Variants in KCNJ6 observed in about 807,000 individuals in gnomAD.
KCNJ6 encodes G protein-activated inward rectifier potassium channel 2.
KCNJ6 carries 9 observed loss-of-function variants against 34.2 expected under a neutral mutation model. The ratio of observed to expected loss-of-function variants is 0.26; its 90% CI spans 0.16 to 0.46. The LOEUF (loss-of-function observed/expected upper bound fraction) is 0.46. Among genes scored for constraint, KCNJ6 ranks in the 20% least tolerant of loss-of-function variants. The probability of loss-of-function intolerance (pLI) is 1.00; values close to 1 mark genes in which losing one functional copy is unlikely to be tolerated. For missense variants in KCNJ6, 236 were observed against 531.3 expected, an observed-to-expected ratio of 0.44 and a Z score of 5.46; for synonymous variants, 196 against 207.1, an observed-to-expected ratio of 0.95 and a Z score of 0.46.
At chr21:37,657,813 T>C (rs1315826839) in intron 3 of KCNJ6, among the ~76,000 whole-genome samples, 1 of 152,254 alleles carries the variant, frequency 6.6e-6, no homozygotes, top group Non-Finnish European at 1.5e-5. Context: ...CCCTCTGGTT[T>C]AGAAAAGTCC....
intron 3 of KCNJ6, among the ~76,000 whole-genome samples, chr21:37,683,285 G>A (rs1709805): frequency 0.88 from 134,401 of 152,190 alleles, 60,092 homozygotes; most frequent in Non-Finnish European, 0.95. Flanking sequence ...GGCTTCCCCC[G>A]TGACAGAAAT....
chr21:37,678,520 TC>T (rs1173529416), intron 3 of KCNJ6, among the ~76,000 whole-genome samples: 9 of 152,132 alleles, frequency 5.9e-5, no homozygotes, highest in Non-Finnish European at 2.9e-5. Flanking sequence ...CCAGAAAGCC[TC>T]CATGATAGGC....
At chr21:37,725,937 C>A (rs2054852165) in intron 2 of KCNJ6, among the ~76,000 whole-genome samples, 1 of 152,208 alleles carries the variant, frequency 6.6e-6, no homozygotes, top group African/African-American at 2.4e-5. Flanking sequence ...TGGAGTTTCA[C>A]TCTTGTCACC....
chr21:37,744,876 C>T (rs1042125119), intron 2 of KCNJ6, among the ~76,000 whole-genome samples: 3 of 152,030 alleles, frequency 2.0e-5, no homozygotes, highest in Admixed American at 1.3e-4. Flanking sequence ...ATGGCCCCAA[C>T]GAGGCCCACA....
At chr21:37,822,175 G>A (rs1394515082) in intron 2 of KCNJ6, among the ~76,000 whole-genome samples, 2 of 152,228 alleles carry the variant, frequency 1.3e-5, no homozygotes, top group Non-Finnish European at 2.9e-5. Context: ...CAATCTGGCT[G>A]CACGTGGAGG....
chr21:37,809,492 T>C (rs180682711), intron 2 of KCNJ6, among the ~76,000 whole-genome samples: 10 of 151,970 alleles, frequency 6.6e-5, no homozygotes, highest in Admixed American at 3.3e-4. Context: ...AACCTGCACA[T>C]TGTGCACATG....
intron 1 of KCNJ6, among the ~76,000 whole-genome samples, chr21:37,844,801 C>T (rs1054460893): frequency 2.0e-5 from 3 of 152,140 alleles, no homozygotes; most frequent in Non-Finnish European, 4.4e-5. Flanking sequence ...TGAGTTTTAT[C>T]TTTAGGTTTG....
chr21:37,778,975 A>G (rs1409176293), intron 2 of KCNJ6, among the ~76,000 whole-genome samples: 1 of 152,004 alleles, frequency 6.6e-6, no homozygotes, highest in Non-Finnish European at 1.5e-5. Context: ...GGGCATTTGT[A>G]CAGCTCTTTG....
At chr21:37,767,447 C>T (rs80008874) in intron 2 of KCNJ6, among the ~76,000 whole-genome samples, 3,336 of 152,214 alleles carry the variant, frequency 0.022, 113 homozygotes, top group African/African-American at 0.075. Flanking sequence ...AGGAAGCAAC[C>T]GGAGCAGTTA....
intron 1 of KCNJ6, among the ~76,000 whole-genome samples, chr21:37,850,767 C>T (rs1418324641): frequency 1.3e-5 from 2 of 152,094 alleles, no homozygotes; most frequent in East Asian, 1.9e-4. Flanking sequence ...TGTTGTATTA[C>T]GGAGCCCCAT....
rs562879591 is a variant in KCNJ6, at chr21:37,756,383, G to A, written c.26-41252C>T. ...CCACAGACCCCACGGTCAGAGAATG[G>A]GTGGTGGGAGCAGGGCTGGCGTGGG... is the stretch of plus-strand genomic sequence containing the variant. On this transcript the variant is annotated intron_variant, in intron 2 of 3. Transcript: ENST00000609713. Among the ~76,000 whole-genome samples, 6 of 152,344 alleles carry A rather than the reference G, an allele frequency of 3.9e-5. No homozygotes were observed. In the East Asian group the frequency reaches 1.2e-3, roughly 29 times the overall value.
At chr21:37,837,725 T>C (rs2055458974) in intron 2 of KCNJ6, among the ~76,000 whole-genome samples, 1 of 152,228 alleles carries the variant, frequency 6.6e-6, no homozygotes, top group African/African-American at 2.4e-5. Context: ...TTTTTTTTTT[T>C]TCTTCCAGAG....
chr21:37,645,161 G>A (rs1337922357), intron 3 of KCNJ6, among the ~76,000 whole-genome samples: 1 of 151,984 alleles, frequency 6.6e-6, no homozygotes, highest in Non-Finnish European at 1.5e-5. Context: ...GATCATTTGA[G>A]GCCAGAGTTA....
chr21:37,827,230 G>A (rs148197912), intron 2 of KCNJ6, among the ~76,000 whole-genome samples: 192 of 152,280 alleles, frequency 1.3e-3, no homozygotes, highest in African/African-American at 4.5e-3. Context: ...GTGAGTCCAG[G>A]AAGCAATCAC....
chr21:37,783,151 C>G (rs2055177472), intron 2 of KCNJ6, among the ~76,000 whole-genome samples: 1 of 152,178 alleles, frequency 6.6e-6, no homozygotes, highest in Non-Finnish European at 1.5e-5. Flanking sequence ...CTCAAGAATC[C>G]TGACTTCACC....
intron 2 of KCNJ6, among the ~76,000 whole-genome samples, chr21:37,796,779 C>CTTTTTTTTTTTT (rs1172378200): frequency 1.3e-4 from 9 of 71,488 alleles, no homozygotes; most frequent in East Asian, 4.8e-4. Context: ...TTCTTTCTTT[C>CTTTTTTTTTTTT]TTTTTTTTTT....
Position 37,696,873 on chromosome 21 carries a change from G to C in KCNJ6, c.946+17338C>G, listed in dbSNP as rs910971465. On this transcript the variant is annotated intron_variant, in intron 3 of 3. Coordinates refer to ENST00000609713, the MANE Select transcript of KCNJ6 (RefSeq NM_002240.5). Reference sequence around the variant, plus strand: ...TATATCTAGAGAGAATGATAGATGTGGTAAAATGTGGAAGATCATTCCTTC... The same window carrying C: ...TATATCTAGAGAGAATGATAGATGTCGTAAAATGTGGAAGATCATTCCTTC... Among the ~76,000 whole-genome samples, 14 of 152,254 alleles carry C rather than the reference G, an allele frequency of 9.2e-5. No homozygotes were observed. In the South Asian group the frequency reaches 1.5e-3, roughly 16 times the overall value.
At chr21:37,715,232 A>G in intron 2 of KCNJ6, 101 bp from the exon 3 acceptor site, 1 of 1,003,690 alleles carries the variant, frequency 1.0e-6, no homozygotes, top group African/African-American at 1.6e-5. Flanking sequence ...ACCAAATACC[A>G]TTTGTGTAGC....
chr21:37,912,607 G>A (rs571703280), intron 1 of KCNJ6, among the ~76,000 whole-genome samples: 4 of 152,304 alleles, frequency 2.6e-5, no homozygotes, highest in African/African-American at 9.6e-5. Flanking sequence ...TACTCCACGT[G>A]TCACTTCTTC....
Sources: allele counts gnomAD v4.1 joint callset (sites outside exome capture counted in the v4.1 genomes callset), GRCh38; gene constraint gnomAD v4.1.1; transcripts MANE v1.5; gene names NCBI Gene and HGNC (gene_info 2026-07-23, HGNC 2026-07-21).